Variants in TMC7 observed in about 807,000 individuals in gnomAD.
The protein encoded by TMC7 is transmembrane channel-like protein 7.
A neutral mutation model predicts 82.9 loss-of-function variants in TMC7; 54 were observed. That is an observed-to-expected ratio of 0.65 (90% CI 0.52 to 0.82). TMC7 has a LOEUF of 0.82. Among genes scored for constraint, TMC7 ranks in the 40% least tolerant of loss-of-function variants. TMC7 has a pLI of 0.00. For synonymous variants in TMC7, 350 were observed against 337.9 expected, an observed-to-expected ratio of 1.04 and a Z score of -0.39; for missense variants, 820 against 901.2, an observed-to-expected ratio of 0.91 and a Z score of 1.15.
chr16:19,012,591 A>G (rs1959422955), intron 2 of TMC7, among the ~76,000 whole-genome samples: 1 of 151,648 alleles, frequency 6.6e-6, no homozygotes, highest in African/African-American at 2.4e-5. Flanking sequence ...GAGTTCGAGA[A>G]CAGGCTGGCC....
In TMC7 at chr16:19,045,395, A is replaced by G. The variant is rs1961222862; in HGVS notation, c.1510A>G (p.Ile504Val). Residue 504 changes from isoleucine (I) to valine (V), a missense_variant, in exon 11 of 16, where the codon ATC becomes GTC. Ile to Val is a conservative substitution (Grantham distance 29, BLOSUM62 3). Around this residue, in one of 2 missense-constraint regions of TMC7, gnomAD observed 650 missense variants for 669.9 expected, o/e 0.97. Coordinates refer to ENST00000304381, the MANE Select transcript of TMC7 (RefSeq NM_024847.4). ...GTACAAGCTGATGATCTTCGACTTC[A>G]TCATCATCTTGGCTGTGACACTCTT... is the stretch of plus-strand genomic sequence containing the variant. The part of the protein sequence containing the change: ...EMYKLMIFDF[I>V]IILAVTLFVD... 6.2e-7 allele frequency: 1 copy of G among 1,613,944 alleles called. No individual in the cohort carries two copies. The highest frequency in any genetic ancestry group is 8.5e-7 in the Non-Finnish European group (1 of 1,179,982).
chr16:19,023,318 CA>C (rs1355393468), intron 5 of TMC7, 123 bp downstream of exon 5: 4 of 531,630 alleles, frequency 7.5e-6, no homozygotes, highest in African/African-American at 5.9e-5. Flanking sequence ...ACACATGTAC[CA>C]GTAAATGAAA....
chr16:19,003,340 C>T (rs1396166326), intron 1 of TMC7, among the ~76,000 whole-genome samples: 4 of 152,106 alleles, frequency 2.6e-5, no homozygotes, highest in Non-Finnish European at 4.4e-5. Context: ...ACCAGGGCAA[C>T]GGCCGCCCCT....
chr16:18,988,905 C>A, intron 1 of TMC7, among the ~76,000 whole-genome samples: 1 of 152,222 alleles, frequency 6.6e-6, no homozygotes. Flanking sequence ...CAAAAATTAG[C>A]TGAGTGTGGT....
At chr16:19,012,511 G>A (rs947153140) in intron 2 of TMC7, among the ~76,000 whole-genome samples, 2 of 151,876 alleles carry the variant, frequency 1.3e-5, no homozygotes, top group African/African-American at 4.8e-5. Context: ...AAAGAAGGCT[G>A]GGTGCGGTGG....
chr16:19,059,462 G>T lies in TMC7; in HGVS notation c.2074G>T (p.Val692Leu). 6.2e-7 allele frequency: 1 copy of T among 1,614,102 alleles called. No individual in the cohort carries two copies. The highest frequency in any genetic ancestry group is 2.2e-5 in the East Asian group (1 of 44,882). ...TGCCTTAGCTGGAGCACACAAACGG[G>T]TGGTCATCCAGCTCCGAGAGCAGCT... ...FIALAGAHKRVVIQLREQLSL... is the reference protein window; with the variant it reads ...FIALAGAHKRLVIQLREQLSL... Residue 692 changes from valine (V) to leucine (L), a missense_variant, in exon 15 of 16, where the codon GTG (valine) becomes TTG (leucine). By Grantham distance (32) the Val-to-Leu change is conservative. Around this residue, in one of 2 missense-constraint regions of TMC7, gnomAD observed 170 missense variants for 231.3 expected, o/e 0.74. Coordinates refer to ENST00000304381, the MANE Select transcript of TMC7 (RefSeq NM_024847.4).
At chr16:19,025,492 G>C (rs1474116941) in intron 5 of TMC7, among the ~76,000 whole-genome samples, 4 of 151,918 alleles carry the variant, frequency 2.6e-5, no homozygotes, top group Non-Finnish European at 4.4e-5. Flanking sequence ...GGTGGCGGGT[G>C]CCTGTAATCC....
intron 2 of TMC7, among the ~76,000 whole-genome samples, chr16:19,012,976 C>G (rs574232015): frequency 6.7e-6 from 1 of 150,308 alleles, no homozygotes; most frequent in African/African-American, 2.4e-5. Context: ...ACCAGCATGC[C>G]TGGCTAATTT....
intron 1 of TMC7, among the ~76,000 whole-genome samples, chr16:18,995,202 G>A (rs1231437743): frequency 6.6e-6 from 1 of 152,144 alleles, no homozygotes; most frequent in Non-Finnish European, 1.5e-5. Context: ...AAGAGGTTTA[G>A]CAGCCTGGCT....
intron 1 of TMC7, among the ~76,000 whole-genome samples, chr16:19,006,204 T>A (rs2039237291): frequency 7.3e-6 from 1 of 137,810 alleles, no homozygotes; most frequent in Admixed American, 7.2e-5. Context: ...CAGGGTGACC[T>A]TTTTTTTTTT....
chr16:19,002,091 A>G (rs1203313165), intron 1 of TMC7, among the ~76,000 whole-genome samples: 1 of 152,126 alleles, frequency 6.6e-6, no homozygotes, highest in Non-Finnish European at 1.5e-5. Flanking sequence ...TGGTGCCCAC[A>G]TCCTGGGAGG....
chr16:19,043,135 T>G (rs772300419), intron 9 of TMC7, among the ~76,000 whole-genome samples: 2 of 152,068 alleles, frequency 1.3e-5, no homozygotes, highest in Non-Finnish European at 2.9e-5. Flanking sequence ...TCCGCCCACC[T>G]CCCTTGAATC....
Position 19,059,431 on chromosome 16 carries a change from C to T in TMC7, c.2043C>T (p.Tyr681=), listed in dbSNP as rs1486179467. The change falls in exon 15 of 16, where the codon TAC becomes TAT. Residue 681 remains tyrosine, a synonymous_variant. Transcript: ENST00000304381. ...TGTGTTGCAGCCTCATCATGTTTTACTTCATTGCCTTAGCTGGAGCACACA... is the reference window on the plus strand; with the variant it reads ...TGTGTTGCAGCCTCATCATGTTTTATTTCATTGCCTTAGCTGGAGCACACA... The part of the protein sequence containing the change: ...FFMIICLIMF[Y]FIALAGAHKR... 1 of 1,613,946 alleles carries T rather than the reference C, an allele frequency of 6.2e-7. No individual in the cohort carries two copies. Among genetic ancestry groups the T allele is most frequent in the Admixed American group, 1.7e-5 (1 of 60,006 alleles).
At chr16:19,005,583 T>C (rs1378106415) in intron 1 of TMC7, among the ~76,000 whole-genome samples, 1 of 152,212 alleles carries the variant, frequency 6.6e-6, no homozygotes, top group Non-Finnish European at 1.5e-5. Flanking sequence ...GTGGCTTGGC[T>C]GGTGGGTGAC....
At chr16:19,036,726 G>A (rs973145406) in intron 7 of TMC7, among the ~76,000 whole-genome samples, 3 of 151,100 alleles carry the variant, frequency 2.0e-5, no homozygotes, top group African/African-American at 7.3e-5. Flanking sequence ...AAAAAAAAAA[G>A]TACATGAGAG....
Position 18,984,272 on chromosome 16 carries a change from G to A in TMC7, c.67+142G>A, listed in dbSNP as rs576495902. Reference sequence around the variant, plus strand: ...GTGCTCCCGGCTCTGGGGAACAGCAGGTGGGAAGGAGATCTTCCTTATTCC... The same window carrying A: ...GTGCTCCCGGCTCTGGGGAACAGCAAGTGGGAAGGAGATCTTCCTTATTCC... On this transcript the variant is annotated intron_variant, in intron 1 of 15. Transcript: ENST00000304381. 4.5e-6 allele frequency: 6 copies of A among 1,337,142 alleles called. No homozygotes were observed. In the South Asian group the frequency reaches 9.7e-5, roughly 22 times the overall value. The allele number at this position is 1,337,142 out of a possible 1,614,324, so 82.8% of individuals were successfully genotyped here. A position where few individuals can be genotyped will look rare whatever the true frequency, so the allele number is the denominator to read the frequency against.
intron 9 of TMC7, among the ~76,000 whole-genome samples, chr16:19,042,153 G>A (rs1457227662): frequency 6.6e-6 from 1 of 151,204 alleles, no homozygotes; most frequent in Non-Finnish European, 1.5e-5. Flanking sequence ...AGAGGGCGTG[G>A]GTTCGCTCTT....
intron 8 of TMC7, 51 bp downstream of exon 8, chr16:19,038,098 C>A: frequency 6.5e-7 from 1 of 1,547,712 alleles, no homozygotes; most frequent in Non-Finnish European, 8.8e-7. Flanking sequence ...CACTGAAAAT[C>A]TGTGAGGTAG....
In TMC7 at chr16:18,993,358, A is replaced by G. The variant is rs113765699; in HGVS notation, c.67+9228A>G. ...GAGGTGGGCTAACAGCTTGTAACCTACATGGAAGAAGTTATGAAATGATGA... is the reference window on the plus strand; with the variant it reads ...GAGGTGGGCTAACAGCTTGTAACCTGCATGGAAGAAGTTATGAAATGATGA... On this transcript the variant is annotated intron_variant, in intron 1 of 15. Transcript: ENST00000304381. Among the ~76,000 whole-genome samples the G allele has an allele frequency of 9.5e-3, 1,452 of 152,320 alleles. 27 individuals are homozygous for G. The highest frequency in any genetic ancestry group is 0.033 in the African/African-American group (1,353 of 41,566).
Sources: allele counts gnomAD v4.1 joint callset (sites outside exome capture counted in the v4.1 genomes callset), GRCh38; gene constraint gnomAD v4.1.1; regional missense constraint gnomAD v4.1.1; transcripts MANE v1.5; gene names NCBI Gene and HGNC (gene_info 2026-07-23, HGNC 2026-07-21).